The following SLC37A2 variants were observed in gnomAD, a reference collection of about 807,000 sequenced individuals.
SLC37A2 encodes glucose-6-phosphate exchanger SLC37A2.
A neutral mutation model predicts 70.7 loss-of-function variants in SLC37A2; 59 were observed. The ratio of observed to expected loss-of-function variants is 0.83; its 90% CI spans 0.68 to 1.04. SLC37A2 has a LOEUF of 1.04. Ranked by LOEUF, SLC37A2 falls within the 50% of genes least tolerant of loss-of-function variation. SLC37A2 has a pLI of 0.00. For missense variants in SLC37A2, 580 were observed against 658.1 expected (o/e 0.88, Z 1.30); for synonymous variants, 257 against 262.1 (o/e 0.98, Z 0.19).
In SLC37A2 at chr11:125,077,552, G is replaced by A. The variant is rs779754773; in HGVS notation, c.314+24G>A. On this transcript the variant is annotated intron_variant, in intron 4 of 17. Transcript: ENST00000403796. ...AGGTAAGGACAGAGGCTGAGCCTAT[G>A]ACCAAGAGGAGGATGGTTTAGAGCT... 3 of 1,591,656 alleles carry A rather than the reference G, an allele frequency of 1.9e-6. No individual in the cohort carries two copies. The South Asian group carries it at 3.3e-5, about 18-fold the overall frequency.
At position 125,081,940 on chromosome 11, in the gene SLC37A2, G is replaced by A. The variant is rs200941589; in HGVS notation, c.885+34G>A. 8.6e-4 allele frequency: 1,340 copies of A among 1,565,450 alleles called. 1 individual carries two copies. Among genetic ancestry groups the A allele is most frequent in the South Asian group, 1.2e-3 (100 of 85,176 alleles). On this transcript the variant is annotated intron_variant, in intron 9 of 17. Coordinates refer to ENST00000403796, the MANE Select transcript of SLC37A2 (RefSeq NM_001145290.2). ...TTTGTGGAATGGAGGAAAGAGAGGG[G>A]CTTTCCAGATTTTTTCTGTTGGTGA... is the stretch of plus-strand genomic sequence containing the variant.
rs1029621701 is a variant in SLC37A2 at position 125,088,031 on chromosome 11, T to G, written c.1491-88T>G. 6.3e-6 allele frequency: 9 copies of G among 1,438,268 alleles called. No individual in the cohort carries two copies. In the Admixed American group the frequency reaches 9.9e-5, roughly 16 times the overall value. The allele number at this position is 1,438,268 out of a possible 1,614,324, so 89.1% of individuals were successfully genotyped here. A position where few individuals can be genotyped will look rare whatever the true frequency, so the allele number is the denominator to read the frequency against. Reference sequence around the variant, plus strand: ...GATGAAAGCAATGATGAAGGGACCCTGGGACCCTGCCTTTCCTCTCCCTAC... The same window carrying G: ...GATGAAAGCAATGATGAAGGGACCCGGGGACCCTGCCTTTCCTCTCCCTAC... On this transcript the variant is annotated intron_variant, in intron 17 of 17. Coordinates refer to ENST00000403796, the MANE Select transcript of SLC37A2 (RefSeq NM_001145290.2).
rs1393767093 is a variant in SLC37A2, at chr11:125,085,012, T to TTGGGGC, written c.1175-51_1175-46dup. 1.9e-6 allele frequency: 3 copies of TTGGGGC among 1,599,746 alleles called. No individual in the cohort carries two copies. In the African/African-American group the frequency reaches 4.0e-5, roughly 21 times the overall value. The stretch of plus-strand genomic sequence containing the variant: ...GCTGGAGAGTGCTCCTGCCTTGGGG[T>TTGGGGC]TGGGGCTGCGGGTGGTGCTGCTTCT... On this transcript the variant is annotated intron_variant, in intron 13 of 17. Transcript: ENST00000403796.
intron 4 of SLC37A2, among the ~76,000 whole-genome samples, chr11:125,077,906 C>T (rs1290715824): frequency 1.3e-5 from 2 of 152,184 alleles, no homozygotes; most frequent in South Asian, 2.1e-4. Flanking sequence ...CAGGAATCCA[C>T]GATCAATAAG....
chr11:125,084,919 G>A, intron 13 of SLC37A2, 46 bp downstream of exon 13: 1 of 1,610,856 alleles, frequency 6.2e-7, no homozygotes, highest in Non-Finnish European at 8.5e-7. Flanking sequence ...GAAAGGCACT[G>A]CCTTGGGGGC....
Position 125,080,927 on chromosome 11 carries a change from C to A in SLC37A2, c.694+147C>A. 1.8e-6 allele frequency: 1 copy of A among 553,056 alleles called. No homozygotes were observed. Among genetic ancestry groups the A allele is most frequent in the Non-Finnish European group, 2.8e-6 (1 of 362,414 alleles). 34.3% of individuals were successfully genotyped at this position (553,056 alleles called of 1,614,324 possible). The stretch of plus-strand genomic sequence containing the variant: ...GACAATCTTTCAGAGCCTTTATTTT[C>A]TCATTTGTAAAATAATAATAGTAAT... On this transcript the variant is annotated intron_variant, in intron 7 of 17. Coordinates refer to ENST00000403796, the MANE Select transcript of SLC37A2 (RefSeq NM_001145290.2). This position sits in a 1 kb window ranked among gnomAD's most constrained non-coding sequence, Gnocchi z 4.3.
At chr11:125,070,858 C>T (rs1463266084) in intron 1 of SLC37A2, among the ~76,000 whole-genome samples, 7 of 152,228 alleles carry the variant, frequency 4.6e-5, no homozygotes, top group Non-Finnish European at 8.8e-5. Context: ...CTCTCCCTCC[C>T]TACAGTGGAC....
rs200086873 is a variant in SLC37A2 at position 125,085,108 on chromosome 11, C to T, written c.1217C>T (p.Ala406Val). ...ICGGLVNGPY[A>V]LITTAVSADL... ...GGGGGCCTGGTCAATGGCCCATACGCGCTCATCACCACTGCTGTCTCTGCT... is the reference window on the plus strand; with the variant it reads ...GGGGGCCTGGTCAATGGCCCATACGTGCTCATCACCACTGCTGTCTCTGCT... Residue 406 changes from alanine (A) to valine (V), a missense_variant, in exon 14 of 18, where the codon GCG becomes GTG. Ala to Val is a moderately conservative substitution (Grantham distance 64). Transcript: ENST00000403796. 9.7e-5 allele frequency: 157 copies of T among 1,614,026 alleles called. 1 individual carries two copies. The South Asian group carries it at 1.3e-3, about 13-fold the overall frequency.
rs117979535 is a variant in SLC37A2 at position 125,083,766 on chromosome 11, A to G, written c.977-49A>G. 17,433 of 1,527,994 alleles carry G rather than the reference A, an allele frequency of 0.011. 172 individuals are homozygous for G. Among genetic ancestry groups the G allele is most frequent in the Non-Finnish European group, 0.011 (12,662 of 1,101,402 alleles). The allele number at this position is 1,527,994 out of a possible 1,614,324, so 94.7% of individuals were successfully genotyped here. A position where few individuals can be genotyped will look rare whatever the true frequency, so the allele number is the denominator to read the frequency against. ...GGGCTTCTAGCTGTGACACTCCAGG[A>G]TGTTTGCCCCAAACCCCAGGTCTGA... is the stretch of plus-strand genomic sequence containing the variant. On this transcript the variant is annotated intron_variant, in intron 10 of 17. Transcript: ENST00000403796. This position sits in a 1 kb window ranked among gnomAD's most constrained non-coding sequence, Gnocchi z 4.6.
intron 1 of SLC37A2, among the ~76,000 whole-genome samples, chr11:125,065,187 G>A (rs1948969244): frequency 6.6e-6 from 1 of 152,164 alleles, no homozygotes; most frequent in Admixed American, 6.5e-5. Context: ...GCTAGACAAG[G>A]CATAGTTTTC....
chr11:125,067,078 C>G lies in SLC37A2; in HGVS notation c.59+3652C>G, dbSNP rs141523205. 1.4e-3 allele frequency among the ~76,000 whole-genome samples: 209 copies of G among 152,254 alleles called. 2 individuals are homozygous for G. The highest frequency in any genetic ancestry group is 4.9e-3 in the African/African-American group (202 of 41,536). ...CACTGCAGCCTCAAACTCCTGGGCT[C>G]AAGGGATCCTCTTGCCTGAGCCTCC... On this transcript the variant is annotated intron_variant, in intron 1 of 17. Transcript: ENST00000403796.
Position 125,084,279 on chromosome 11 carries a change from C to T in SLC37A2, c.1085C>T (p.Ala362Val), listed in dbSNP as rs1223240790. 8.7e-6 allele frequency: 14 copies of T among 1,614,232 alleles called. No homozygotes were observed. Among genetic ancestry groups the T allele is most frequent in the Non-Finnish European group, 1.2e-5 (14 of 1,180,042 alleles). ...GTCTCTGACTACACCAATGGCAGGG[C>T]CACCACTTGCTGTGTCATGCTCATC... ...GLVSDYTNGR[A>V]TTCCVMLILA... The change falls in exon 12 of 18, where the codon GCC becomes GTC. Residue 362 changes from alanine to valine, a missense_variant. Transcript: ENST00000403796.
intron 6 of SLC37A2, among the ~76,000 whole-genome samples, chr11:125,079,989 T>C (rs1949129789): frequency 1.3e-5 from 2 of 152,176 alleles, no homozygotes; most frequent in South Asian, 4.1e-4. Flanking sequence ...AATAGATTAA[T>C]TTCTATTTTC....
chr11:125,086,249 C>T, intron 17 of SLC37A2: 1 of 1,611,564 alleles, frequency 6.2e-7, no homozygotes, highest in Non-Finnish European at 8.5e-7. Flanking sequence ...TTCCTCAAGT[C>T]CCATGACTTT....
chr11:125,075,570 T>C (rs374306794), intron 1 of SLC37A2, among the ~76,000 whole-genome samples: 11 of 152,302 alleles, frequency 7.2e-5, no homozygotes, highest in Admixed American at 4.6e-4. Context: ...TTAGCAGAGC[T>C]GTGGAGGGGC....
chr11:125,071,285 G>A (rs2135561599), intron 1 of SLC37A2, among the ~76,000 whole-genome samples: 1 of 152,274 alleles, frequency 6.6e-6, no homozygotes, highest in Non-Finnish European at 1.5e-5. Flanking sequence ...GCTTCCATCA[G>A]TGCTATTTAC....
At chr11:125,084,699 A>G in intron 12 of SLC37A2, 126 bp from the exon 13 acceptor site, 1 of 984,460 alleles carries the variant, frequency 1.0e-6, no homozygotes. Flanking sequence ...AAATCTGCAT[A>G]GGCAGGGGAA....
chr11:125,086,289 G>GA (rs1949214708), intron 17 of SLC37A2: 4 of 1,544,436 alleles, frequency 2.6e-6, no homozygotes, highest in Non-Finnish European at 3.6e-6. Flanking sequence ...TCTGTGACTC[G>GA]AGTGCCATTT....
chr11:125,065,029 G>T (rs1335569964), intron 1 of SLC37A2, among the ~76,000 whole-genome samples: 2 of 152,256 alleles, frequency 1.3e-5, no homozygotes, highest in Non-Finnish European at 2.9e-5. Context: ...AGACCAAATT[G>T]GTCTTCTACA....
Sources: allele counts gnomAD v4.1 joint callset (sites outside exome capture counted in the v4.1 genomes callset), GRCh38; gene constraint gnomAD v4.1.1; non-coding constraint Gnocchi (gnomAD v3.1); transcripts MANE v1.5; gene names NCBI Gene and HGNC (gene_info 2026-07-23, HGNC 2026-07-21).